MYO1F: variants seen among roughly 807,000 people sequenced by gnomAD.
MYO1F encodes myosin IF, also known as unconventional myosin-If.
Under a neutral mutation model 146.6 loss-of-function variants are expected in MYO1F, and 60 were observed. The ratio of observed to expected loss-of-function variants is 0.41; its 90% CI spans 0.33 to 0.51. MYO1F has a LOEUF of 0.51. Ranked by LOEUF, MYO1F falls within the 20% of genes least tolerant of loss-of-function variation. MYO1F has a pLI of 0.25. For synonymous variants in MYO1F, 602 were observed against 602.1 expected, an observed-to-expected ratio of 1.00 and a Z score of 0.00; for missense variants, 1,274 against 1,534.3, an observed-to-expected ratio of 0.83 and a Z score of 2.83.
chr19:8,523,401 G>A (rs1447987401), intron 25 of MYO1F, among the ~76,000 whole-genome samples: 1 of 151,978 alleles, frequency 6.6e-6, no homozygotes, highest in African/African-American at 2.4e-5. Context: ...GGAGTGCAGT[G>A]GTACAATCGT....
chr19:8,527,456 G>T lies in MYO1F; in HGVS notation c.2356C>A (p.Pro786Thr). The change falls in exon 22 of 28, where the codon CCC (proline) becomes ACC (threonine). Residue 786 changes from proline to threonine, a missense_variant. Around this residue, in one of 2 missense-constraint regions of MYO1F, gnomAD observed 900 missense variants for 1,155.1 expected, o/e 0.78. Transcript: ENST00000644032. Reference sequence around the variant, plus strand: ...CGCCCAATCACATACACACACTTGGGCGTCAGGATCAAGTCCCGCTTGATG... The same window carrying T: ...CGCCCAATCACATACACACACTTGGTCGTCAGGATCAAGTCCCGCTTGATG... ...KPIKRDLILTPKCVYVIGREK... is the reference protein window; with the variant it reads ...KPIKRDLILTTKCVYVIGREK... The T allele has an allele frequency of 6.2e-7, 1 of 1,614,042 alleles. No individual in the cohort carries two copies. The highest frequency in any genetic ancestry group is 8.5e-7 in the Non-Finnish European group (1 of 1,180,012).
At chr19:8,532,847 G>A (rs922417204) in intron 19 of MYO1F, among the ~76,000 whole-genome samples, 1 of 149,572 alleles carries the variant, frequency 6.7e-6, no homozygotes, top group African/African-American at 2.5e-5. Flanking sequence ...GTGATTGTGC[G>A]ACTGCACTCC....
At chr19:8,556,439 C>T (rs145242446) in intron 1 of MYO1F, among the ~76,000 whole-genome samples, 5,642 of 139,222 alleles carry the variant, frequency 0.041, 364 homozygotes, top group African/African-American at 0.14. Context: ...GCCAGGAGTT[C>T]GAGACCAGCC....
chr19:8,564,650 G>A (rs1034131003), intron 1 of MYO1F, among the ~76,000 whole-genome samples: 16 of 151,968 alleles, frequency 1.1e-4, no homozygotes, highest in Admixed American at 3.3e-4. Context: ...AGGGGCCCCA[G>A]GGTCAGAAGC....
At chr19:8,553,868 T>TCTCA (rs780705515) in intron 4 of MYO1F, among the ~76,000 whole-genome samples, 2 of 121,592 alleles carry the variant, frequency 1.6e-5, no homozygotes, top group African/African-American at 6.8e-5. Context: ...TGAGACTCTG[T>TCTCA]CACACACACA....
chr19:8,549,003 G>A (rs1013869458), intron 10 of MYO1F, among the ~76,000 whole-genome samples: 18 of 150,510 alleles, frequency 1.2e-4, no homozygotes, highest in Non-Finnish European at 2.4e-4. Flanking sequence ...AGGCTGGAAT[G>A]CCAGTGGCGC....
At chr19:8,553,892 A>ACCCTCTCTCTCTCTCTCT (rs569819927) in intron 4 of MYO1F, among the ~76,000 whole-genome samples, 1 of 105,162 alleles carries the variant, frequency 9.5e-6, no homozygotes, top group Non-Finnish European at 2.0e-5. Context: ...ACACACACAC[A>ACCCTCTCTCTCTCTCTCT]CACTCTCTCT....
At chr19:8,568,757 C>T (rs1468914585) in intron 1 of MYO1F, among the ~76,000 whole-genome samples, 1 of 151,986 alleles carries the variant, frequency 6.6e-6, no homozygotes, top group African/African-American at 2.4e-5. Flanking sequence ...CTCATCTCTA[C>T]TAAAAATACA....
Position 8,531,224 on chromosome 19 carries a change from G to A in MYO1F, c.2044-651C>T, listed in dbSNP as rs112650392. Among the ~76,000 whole-genome samples the A allele has an allele frequency of 9.9e-5, 15 of 151,808 alleles. 1 individual carries two copies. The highest frequency in any genetic ancestry group is 3.6e-4 in the African/African-American group (15 of 41,412). The stretch of plus-strand genomic sequence containing the variant: ...TAGCCGGGCATGGTGGCACATGCCT[G>A]TAATACCAGCTACTCAGGAGGCTGA... On this transcript the variant is annotated intron_variant, in intron 19 of 27. Transcript: ENST00000644032.
intron 1 of MYO1F, among the ~76,000 whole-genome samples, chr19:8,560,727 C>A (rs1237624602): frequency 7.1e-6 from 1 of 141,252 alleles, no homozygotes. Context: ...AGGCACATGC[C>A]ACCACGCCTG....
At chr19:8,548,001 CAG>C in intron 12 of MYO1F, 33 bp downstream of exon 12, 1 of 1,305,392 alleles carries the variant, frequency 7.7e-7, no homozygotes, top group Non-Finnish European at 1.1e-6. Context: ...ACCCCCACCC[CAG>C]GATCCCCCAT....
At chr19:8,527,629 T>C (rs1972323508) in intron 21 of MYO1F, 146 bp from the exon 22 acceptor site, 1 of 996,664 alleles carries the variant, frequency 1.0e-6, no homozygotes, top group African/African-American at 1.6e-5. Context: ...TCGTCTGTTT[T>C]GTAGACAGGG....
intron 1 of MYO1F, among the ~76,000 whole-genome samples, chr19:8,564,613 G>A (rs2041967076): frequency 6.6e-6 from 1 of 151,900 alleles, no homozygotes; most frequent in Admixed American, 6.6e-5. Flanking sequence ...CAACCCTGAA[G>A]AGCGTCTGAG....
intron 1 of MYO1F, among the ~76,000 whole-genome samples, chr19:8,561,782 T>C (rs918396187): frequency 1.3e-5 from 2 of 151,418 alleles, no homozygotes; most frequent in Admixed American, 6.6e-5. Context: ...AGTGGCGCGA[T>C]CTTGGCTCAC....
At position 8,555,800 on chromosome 19, in the gene MYO1F, G is replaced by C; in HGVS notation, c.4-4C>G. The stretch of plus-strand genomic sequence containing the variant: ...AGTGGAAGCGCTCCTTGCTGCCCTG[G>C]GGGGTGAGAGGGGGGTCGGGGTGAG... On this transcript the variant is annotated splice_region_variant and splice_polypyrimidine_tract_variant and intron_variant, in intron 1 of 27. Transcript: ENST00000644032. 1.9e-6 allele frequency: 3 copies of C among 1,610,734 alleles called. No homozygotes were observed. Among genetic ancestry groups the C allele is most frequent in the Non-Finnish European group, 2.5e-6 (3 of 1,178,910 alleles).
At position 8,543,675 on chromosome 19, in the gene MYO1F, CTGGTGGTGGTGG is replaced by C. The variant is rs1191447239; in HGVS notation, c.1524+610_1524+621del. ...GGTGCTGGTGGTGGTGGTGGTGGTG[CTGGTGGTGGTGG>C]TGGTGGTGGTGGTGGTGGTGCTGGT... On this transcript the variant is annotated intron_variant, in intron 14 of 27. Coordinates refer to ENST00000644032, the MANE Select transcript of MYO1F (RefSeq NM_012335.4). Among the ~76,000 whole-genome samples the C allele has an allele frequency of 2.3e-3, 85 of 36,192 alleles. 2 individuals carry two copies. In the Middle Eastern group the frequency reaches 0.034, roughly 15 times the overall value. The allele number at this position is 36,192 out of a possible 152,430, so 23.7% of individuals were successfully genotyped here.
intron 15 of MYO1F, among the ~76,000 whole-genome samples, chr19:8,541,419 G>GTTTTTTT (rs1200496185): frequency 9.0e-5 from 12 of 133,982 alleles, no homozygotes; most frequent in African/African-American, 1.7e-4. Flanking sequence ...GTGTGTGTGT[G>GTTTTTTT]TGTGTGTTTT....
chr19:8,527,568 C>T (rs965702914), intron 21 of MYO1F, 85 bp from the exon 22 acceptor site: 9 of 1,559,072 alleles, frequency 5.8e-6, no homozygotes, highest in Admixed American at 1.9e-5. Context: ...AGGGGTGGTG[C>T]TGGCAGGTCA....
intron 27 of MYO1F, among the ~76,000 whole-genome samples, chr19:8,522,080 T>G (rs1313080334): frequency 1.3e-5 from 2 of 150,936 alleles, no homozygotes; most frequent in Non-Finnish European, 2.9e-5. Context: ...TGGAGTGTGT[T>G]GGCGCAATCT....
Sources: allele counts gnomAD v4.1 joint callset (sites outside exome capture counted in the v4.1 genomes callset), GRCh38; gene constraint gnomAD v4.1.1; regional missense constraint gnomAD v4.1.1; transcripts MANE v1.5; gene names NCBI Gene and HGNC (gene_info 2026-07-23, HGNC 2026-07-21).